OPCML: variants seen among roughly 807,000 people sequenced by gnomAD.
OPCML encodes the protein opioid-binding protein/cell adhesion molecule.
In OPCML, 13 loss-of-function variants were observed where a neutral mutation model predicts 37.8. The observed-to-expected ratio is 0.34, with a 90% CI of 0.22 to 0.55. The LOEUF (loss-of-function observed/expected upper bound fraction) is 0.55, where lower values mean the gene tolerates loss of function less well. Ranked by LOEUF, OPCML falls within the 20% of genes least tolerant of loss-of-function variation. OPCML has a pLI of 0.91. For missense variants in OPCML, 341 were observed against 435.6 expected (o/e 0.78, Z 1.93); for synonymous variants, 176 against 168.8 (o/e 1.04, Z -0.33).
At chr11:132,703,751 T>A (rs901847744) in intron 2 of OPCML, among the ~76,000 whole-genome samples, 25 of 152,170 alleles carry the variant, frequency 1.6e-4, no homozygotes, top group African/African-American at 5.8e-4. Context: ...GGAACTTGGG[T>A]CCATGTGAGT....
intron 1 of OPCML, among the ~76,000 whole-genome samples, chr11:133,034,390 A>G (rs1947736905): frequency 6.6e-6 from 1 of 151,904 alleles, no homozygotes; most frequent in African/African-American, 2.4e-5. Flanking sequence ...CAAGTGCTGT[A>G]TATGACACTG....
At chr11:133,019,398 A>G (rs1303839995) in intron 1 of OPCML, among the ~76,000 whole-genome samples, 1 of 152,152 alleles carries the variant, frequency 6.6e-6, no homozygotes, top group East Asian at 1.9e-4. Context: ...GTGAGCAGAG[A>G]GAAGTGAGGT....
intron 1 of OPCML, among the ~76,000 whole-genome samples, chr11:133,417,116 T>G (rs998590278): frequency 7.9e-5 from 12 of 152,196 alleles, no homozygotes; most frequent in Non-Finnish European, 1.0e-4. Context: ...GGTCTGTTCA[T>G]CTACATCCTC....
At chr11:133,532,188 T>C in intron 1 of OPCML, 76 bp downstream of exon 1, 1 of 1,565,554 alleles carries the variant, frequency 6.4e-7, no homozygotes, top group South Asian at 1.2e-5. Context: ...TGCCTCTCCA[T>C]CTCCCCACTG....
chr11:133,458,263 T>C (rs1189229527), intron 1 of OPCML, among the ~76,000 whole-genome samples: 1 of 83,320 alleles, frequency 1.2e-5, no homozygotes, highest in Admixed American at 1.1e-4. Flanking sequence ...TATACACGTG[T>C]GTGTATATAT....
rs1478671540 is a variant in OPCML, at chr11:133,141,036, C to CGAAGACGAA, written c.62-198027_62-198026insTTCGTCTTC. ...ACGACGACGACGACGACGACGACGA[C>CGAAGACGAA]GACGACGACGACGAAGAAGAAGAAG... On this transcript the variant is annotated intron_variant, in intron 1 of 7. Transcript: ENST00000524381. Among the ~76,000 whole-genome samples the CGAAGACGAA allele has an allele frequency of 4.6e-4, 3 of 6,580 alleles. 1 individual carries two copies. The highest frequency in any genetic ancestry group is 9.9e-4 in the Non-Finnish European group (2 of 2,012). 4.3% of individuals were successfully genotyped at this position (6,580 alleles called of 152,430 possible).
At chr11:132,904,702 G>A (rs1944175592) in intron 2 of OPCML, among the ~76,000 whole-genome samples, 1 of 152,174 alleles carries the variant, frequency 6.6e-6, no homozygotes, top group Non-Finnish European at 1.5e-5. Context: ...CCTGCAGATG[G>A]CCGTGCACTT....
chr11:132,679,904 CTGTT>C, intron 2 of OPCML, among the ~76,000 whole-genome samples: 1 of 152,134 alleles, frequency 6.6e-6, no homozygotes, highest in East Asian at 1.9e-4. Context: ...TCCAAAGGAA[CTGTT>C]TGTTGGAGAC....
At chr11:133,185,231 A>C (rs372294011) in intron 1 of OPCML, among the ~76,000 whole-genome samples, 4 of 152,346 alleles carry the variant, frequency 2.6e-5, no homozygotes, top group African/African-American at 9.6e-5. Context: ...ATCAGAGTTC[A>C]TTCTCCAATT....
At chr11:132,479,951 A>G (rs1592239056) in intron 4 of OPCML, among the ~76,000 whole-genome samples, 1 of 152,178 alleles carries the variant, frequency 6.6e-6, no homozygotes, top group African/African-American at 2.4e-5. Flanking sequence ...AAACTCTAAA[A>G]AGCAGAGCGC....
intron 2 of OPCML, chr11:132,860,508 G>T (rs1942257595): frequency 6.6e-6 from 1 of 152,080 alleles, no homozygotes; most frequent in African/African-American, 2.4e-5. Flanking sequence ...AATGTCGCAG[G>T]CCTGTCCCCC....
At chr11:132,574,113 A>AT (rs1294623432) in intron 3 of OPCML, among the ~76,000 whole-genome samples, 2 of 151,398 alleles carry the variant, frequency 1.3e-5, no homozygotes, top group South Asian at 2.1e-4. Flanking sequence ...GAGTCTTGTC[A>AT]TTTTTTCCCT....
At chr11:133,140,272 G>A (rs1301338231) in intron 1 of OPCML, among the ~76,000 whole-genome samples, 1 of 149,480 alleles carries the variant, frequency 6.7e-6, no homozygotes, top group Non-Finnish European at 1.5e-5. Flanking sequence ...AGCACTTTGG[G>A]AGGCTGAGGC....
intron 1 of OPCML, among the ~76,000 whole-genome samples, chr11:133,332,357 T>A (rs1943637938): frequency 6.6e-6 from 1 of 152,170 alleles, no homozygotes; most frequent in South Asian, 2.1e-4. Flanking sequence ...AGCTAGAGAA[T>A]GATGTCATCT....
intron 3 of OPCML, among the ~76,000 whole-genome samples, chr11:132,546,208 G>A (rs1223466467): frequency 6.6e-6 from 1 of 152,084 alleles, no homozygotes; most frequent in South Asian, 2.1e-4. Context: ...TTTGCCCAGG[G>A]ACTTCCCAGT....
At chr11:132,957,600 T>C (rs1945999241) in intron 1 of OPCML, among the ~76,000 whole-genome samples, 1 of 152,214 alleles carries the variant, frequency 6.6e-6, no homozygotes, top group African/African-American at 2.4e-5. Flanking sequence ...ATACTGGGTA[T>C]TTTACAAATT....
chr11:132,447,464 ATTT>A (rs537083917), intron 4 of OPCML, among the ~76,000 whole-genome samples: 3 of 142,614 alleles, frequency 2.1e-5, no homozygotes, highest in African/African-American at 7.7e-5. Context: ...TGCCCAGTTA[ATTT>A]TTTTTTTTTT....
At chr11:132,634,764 C>A (rs1472726075) in intron 3 of OPCML, among the ~76,000 whole-genome samples, 1 of 152,092 alleles carries the variant, frequency 6.6e-6, no homozygotes. Context: ...GCATTCATGA[C>A]CATAAGTTAT....
chr11:132,999,429 G>A (rs1259744792), intron 1 of OPCML, among the ~76,000 whole-genome samples: 1 of 152,092 alleles, frequency 6.6e-6, no homozygotes, highest in African/African-American at 2.4e-5. Flanking sequence ...TAAGAAGGCA[G>A]TTTGGTGTGA....
Sources: gnomAD v4.1 joint callset for allele counts (sites outside exome capture counted in the v4.1 genomes callset) on GRCh38, gnomAD v4.1.1 for gene constraint, MANE v1.5 for transcripts, NCBI Gene and HGNC (gene_info 2026-07-23, HGNC 2026-07-21) for gene names.